GALNT6: variants seen among roughly 807,000 people sequenced by gnomAD.
The protein encoded by GALNT6 is polypeptide N-acetylgalactosaminyltransferase 6, also known as GalNAc transferase 6.
A neutral mutation model predicts 65.9 loss-of-function variants in GALNT6; 51 were observed. That is an observed-to-expected ratio of 0.77 (90% CI 0.62 to 0.98). GALNT6 has a LOEUF of 0.98. Among genes scored for constraint, GALNT6 ranks in the 50% least tolerant of loss-of-function variants. GALNT6 has a pLI of 0.00. For synonymous variants in GALNT6, 323 were observed against 315.1 expected (o/e 1.02, Z -0.26); for missense variants, 708 against 803.3 (o/e 0.88, Z 1.43).
chr12:51,358,004 C>T, intron 9 of GALNT6, 126 bp downstream of exon 9: 1 of 934,876 alleles, frequency 1.1e-6, no homozygotes, highest in Non-Finnish European at 1.6e-6. Context: ...AGTCCTCCTC[C>T]TGGATAAAGG....
intron 4 of GALNT6, among the ~76,000 whole-genome samples, chr12:51,373,608 C>T (rs1212333490): frequency 2.0e-5 from 3 of 152,136 alleles, no homozygotes; most frequent in East Asian, 1.9e-4. Flanking sequence ...AAAGAGCTTC[C>T]GAAGGATGGG....
chr12:51,374,053 T>C (rs1947373947), intron 4 of GALNT6, among the ~76,000 whole-genome samples: 1 of 151,544 alleles, frequency 6.6e-6, no homozygotes, highest in African/African-American at 2.4e-5. Context: ...AGAGATGGGG[T>C]CTTGTGACAT....
chr12:51,367,150 G>A (rs564920180), intron 4 of GALNT6, among the ~76,000 whole-genome samples: 4 of 152,266 alleles, frequency 2.6e-5, no homozygotes, highest in Admixed American at 6.5e-5. Flanking sequence ...CCAGCTACTC[G>A]GGAGGCTGAG....
intron 10 of GALNT6, 34 bp downstream of exon 10, chr12:51,357,315 G>T (rs548684996): frequency 1.5e-6 from 2 of 1,341,588 alleles, no homozygotes; most frequent in African/African-American, 1.4e-5. Context: ...CCGGTGAGGA[G>T]AGGAGATGCT....
At chr12:51,356,091 A>G (rs1405934260) in intron 10 of GALNT6, 133 bp from the exon 11 acceptor site, 23 of 697,266 alleles carry the variant, frequency 3.3e-5, no homozygotes, top group Non-Finnish European at 5.4e-5. Flanking sequence ...GACTTTACTC[A>G]TTTATGTGCT....
intron 6 of GALNT6, among the ~76,000 whole-genome samples, chr12:51,362,808 C>T (rs1322125722): frequency 2.0e-5 from 3 of 152,090 alleles, no homozygotes; most frequent in Non-Finnish European, 4.4e-5. Flanking sequence ...GGGATTTCTC[C>T]CTGTGGCATT....
chr12:51,382,958 G>A (rs933809000), intron 2 of GALNT6, among the ~76,000 whole-genome samples: 4 of 152,294 alleles, frequency 2.6e-5, no homozygotes, highest in South Asian at 2.1e-4. Context: ...TGATAGCACT[G>A]ACCAGGTGAA....
intron 7 of GALNT6, chr12:51,360,002 G>T (rs1006446293): frequency 6.6e-6 from 1 of 152,246 alleles, no homozygotes; most frequent in Non-Finnish European, 1.5e-5. Flanking sequence ...ATACATAATC[G>T]TTATAGTAAC....
chr12:51,381,906 T>C (rs151127475), intron 2 of GALNT6, among the ~76,000 whole-genome samples: 305 of 152,362 alleles, frequency 2.0e-3, no homozygotes, highest in African/African-American at 6.9e-3. Context: ...ACTCCCTGCA[T>C]GTTTTGCTTA....
chr12:51,382,141 T>G (rs1163936385), intron 2 of GALNT6, among the ~76,000 whole-genome samples: 3 of 152,210 alleles, frequency 2.0e-5, no homozygotes, highest in Admixed American at 6.5e-5. Flanking sequence ...GCATCTATTT[T>G]GTATTAACTA....
chr12:51,373,240 TG>T (rs1947344852), intron 4 of GALNT6, among the ~76,000 whole-genome samples: 1 of 152,180 alleles, frequency 6.6e-6, no homozygotes, highest in Non-Finnish European at 1.5e-5. Flanking sequence ...TGAAATGATA[TG>T]GTTTGGCTGT....
intron 2 of GALNT6, among the ~76,000 whole-genome samples, chr12:51,384,626 A>T (rs1331479621): frequency 7.2e-6 from 1 of 137,974 alleles, no homozygotes; most frequent in Non-Finnish European, 1.5e-5. Context: ...TAGGAGCTGG[A>T]GGTTGCAGTA....
chr12:51,362,363 T>C (rs1946950153), intron 6 of GALNT6, among the ~76,000 whole-genome samples: 1 of 152,186 alleles, frequency 6.6e-6, no homozygotes, highest in Non-Finnish European at 1.5e-5. Flanking sequence ...CCAGGTCCTC[T>C]GCCTCTCCTC....
chr12:51,376,383 C>T (rs1592343158), intron 4 of GALNT6, among the ~76,000 whole-genome samples: 1 of 151,992 alleles, frequency 6.6e-6, no homozygotes, highest in South Asian at 2.1e-4. Context: ...CCTGTAATCC[C>T]AGCACTTTGG....
chr12:51,377,371 G>T lies in GALNT6; in HGVS notation c.492-4C>A. Reference sequence around the variant, plus strand: ...CCGGAACTTCTGGTCCACACACCTGGAAGTATGAAAGTACGGACAAAGTTC... The same window carrying T: ...CCGGAACTTCTGGTCCACACACCTGTAAGTATGAAAGTACGGACAAAGTTC... On this transcript the variant is annotated splice_polypyrimidine_tract_variant and splice_region_variant and intron_variant, in intron 3 of 11. Coordinates refer to ENST00000356317, the MANE Select transcript of GALNT6 (RefSeq NM_007210.4). 6.2e-7 allele frequency: 1 copy of T among 1,612,072 alleles called. No homozygotes were observed. The highest frequency in any genetic ancestry group is 2.2e-5 in the East Asian group (1 of 44,872).
At chr12:51,383,667 C>CTT (rs1450703123) in intron 2 of GALNT6, 2 of 152,224 alleles carry the variant, frequency 1.3e-5, no homozygotes, top group African/African-American at 2.4e-5. Flanking sequence ...AGCTTTCTCT[C>CTT]TCAAACCTAC....
intron 4 of GALNT6, among the ~76,000 whole-genome samples, chr12:51,369,132 C>G (rs1947206470): frequency 6.6e-6 from 1 of 152,302 alleles, no homozygotes; most frequent in East Asian, 1.9e-4. Context: ...GTGGAGATAA[C>G]CCACGGACAA....
chr12:51,360,090 A>T (rs1233295466), intron 7 of GALNT6: 2 of 152,200 alleles, frequency 1.3e-5, no homozygotes, highest in Non-Finnish European at 2.9e-5. Flanking sequence ...TCTACTTACT[A>T]ATTACTTTTC....
At chr12:51,368,120 G>A (rs1386340910) in intron 4 of GALNT6, among the ~76,000 whole-genome samples, 1 of 151,476 alleles carries the variant, frequency 6.6e-6, no homozygotes, top group Admixed American at 6.6e-5. Flanking sequence ...CACCAGTGAG[G>A]CCACGGACTT....
Sources: allele counts gnomAD v4.1 joint callset (sites outside exome capture counted in the v4.1 genomes callset), GRCh38; gene constraint gnomAD v4.1.1; transcripts MANE v1.5; gene names NCBI Gene and HGNC (gene_info 2026-07-23, HGNC 2026-07-21).